Variants in CTPS2 observed in about 807,000 individuals in gnomAD.
The protein encoded by CTPS2 is CTP synthase 2.
A neutral mutation model predicts 46.8 loss-of-function variants in CTPS2; 19 were observed. That is an observed-to-expected ratio of 0.41 (90% CI 0.28 to 0.60). CTPS2 has a LOEUF of 0.60. CTPS2 is among the 20% of genes least tolerant of loss of function. The probability of loss-of-function intolerance (pLI) is 0.35; values close to 1 mark genes in which losing one functional copy is unlikely to be tolerated. For missense variants in CTPS2, 286 were observed against 447.6 expected (o/e 0.64, Z 3.26); for synonymous variants, 151 against 165.2 (o/e 0.91, Z 0.66).
At chrX:16,704,247 T>G (rs1020894477) in intron 1 of CTPS2, among the ~76,000 whole-genome samples, 1 of 111,786 alleles carries the variant, frequency 8.9e-6, no homozygotes, top group Non-Finnish European at 1.9e-5. Flanking sequence ...CTTGGGCAAG[T>G]TATTTATCCT....
chrX:16,628,468 T>G (rs1434954069), intron 14 of CTPS2, among the ~76,000 whole-genome samples: 3 of 110,768 alleles, frequency 2.7e-5, no homozygotes, highest in Non-Finnish European at 5.7e-5. Flanking sequence ...TGGGTTCAAG[T>G]GATTCTCCTG....
At chrX:16,623,821 T>C (rs1930972524) in intron 14 of CTPS2, among the ~76,000 whole-genome samples, 1 of 87,055 alleles carries the variant, frequency 1.1e-5, no homozygotes, top group Non-Finnish European at 2.2e-5. Flanking sequence ...TTTTTTTTTT[T>C]TTTCTGAGAC....
intron 13 of CTPS2, among the ~76,000 whole-genome samples, chrX:16,643,213 A>T (rs1932162700): frequency 8.9e-6 from 1 of 111,902 alleles, no homozygotes; most frequent in Admixed American, 9.5e-5. Flanking sequence ...CAACAGTGAA[A>T]TTCCTGACTG....
At chrX:16,591,789 G>A (rs35816228) in intron 17 of CTPS2, among the ~76,000 whole-genome samples, 4 of 111,046 alleles carry the variant, frequency 3.6e-5, no homozygotes, top group Non-Finnish European at 7.5e-5. Flanking sequence ...AAGGCCCTCA[G>A]GTGAGAGGTA....
At chrX:16,682,786 A>G (rs1247346216) in intron 9 of CTPS2, among the ~76,000 whole-genome samples, 2 of 111,925 alleles carry the variant, frequency 1.8e-5, no homozygotes, top group African/African-American at 6.5e-5. Context: ...CTTCCTTAGT[A>G]AATGGCAGTT....
intron 14 of CTPS2, among the ~76,000 whole-genome samples, chrX:16,633,110 G>T (rs748507047): frequency 6.1e-5 from 6 of 98,445 alleles, no homozygotes; most frequent in Non-Finnish European, 1.2e-4. Flanking sequence ...TTGAGACAGG[G>T]TCTCACTCTA....
intron 11 of CTPS2, among the ~76,000 whole-genome samples, chrX:16,669,806 T>C (rs985533094): frequency 9.1e-6 from 1 of 110,483 alleles, no homozygotes; most frequent in African/African-American, 3.3e-5. Flanking sequence ...ACACAGCCTC[T>C]CTGCACTCCC....
intron 17 of CTPS2, among the ~76,000 whole-genome samples, chrX:16,595,334 G>A (rs1929177716): frequency 9.0e-6 from 1 of 111,402 alleles, no homozygotes; most frequent in Non-Finnish European, 1.9e-5. Context: ...ATTTAAGATA[G>A]TGTGTCTCGC....
intron 14 of CTPS2, among the ~76,000 whole-genome samples, chrX:16,631,240 C>A (rs893668953): frequency 1.8e-5 from 2 of 109,962 alleles, no homozygotes; most frequent in Non-Finnish European, 3.8e-5. Context: ...TCCAGCTACT[C>A]GGGTGGCTGA....
chrX:16,706,526 C>A (rs1925024409), intron 1 of CTPS2, among the ~76,000 whole-genome samples: 1 of 111,063 alleles, frequency 9.0e-6, no homozygotes, highest in Admixed American at 9.7e-5. Context: ...GAGTTTGAGA[C>A]CAGCCTGGCC....
chrX:16,625,173 C>T (rs1931059857), intron 14 of CTPS2, among the ~76,000 whole-genome samples: 1 of 112,326 alleles, frequency 8.9e-6, no homozygotes, highest in Non-Finnish European at 1.9e-5. Context: ...ACAAAATGTG[C>T]ATATCCATCC....
chrX:16,596,194 T>G (rs1459592469), intron 17 of CTPS2, among the ~76,000 whole-genome samples: 1 of 111,105 alleles, frequency 9.0e-6, no homozygotes, highest in Non-Finnish European at 1.9e-5. Flanking sequence ...TTTTGTTTTT[T>G]TTTTTATTAT....
intron 17 of CTPS2, among the ~76,000 whole-genome samples, chrX:16,598,305 C>T (rs1282372055): frequency 9.0e-6 from 1 of 110,528 alleles, no homozygotes; most frequent in African/African-American, 3.3e-5. Context: ...ATTGATAGAC[C>T]ACTAGCAAGA....
chrX:16,638,254 CAAA>C (rs1185750089), intron 14 of CTPS2, among the ~76,000 whole-genome samples: 3 of 37,964 alleles, frequency 7.9e-5, no homozygotes, highest in Non-Finnish European at 9.9e-5. Context: ...GACTCTGTCT[CAAA>C]AAAAAAAAAA....
Position 16,693,497 on chromosome X carries a change from G to A in CTPS2, c.439-10C>T, listed in dbSNP as rs1419655729. ...CAATGGTGCCTCCCAGCTGGGAATG[G>A]AAAACAAACAAAAAAAGACACAAAT... On this transcript the variant is annotated splice_polypyrimidine_tract_variant and intron_variant, in intron 4 of 18. Coordinates refer to ENST00000359276, the MANE Select transcript of CTPS2 (RefSeq NM_175859.3). 1 of 1,105,796 alleles carries A rather than the reference G, an allele frequency of 9.0e-7. No homozygotes were observed. The highest frequency in any genetic ancestry group is 1.9e-5 in the South Asian group (1 of 52,970). The allele number at this position is 1,105,796 out of a possible 1,213,427, so 91.1% of individuals were successfully genotyped here.
chrX:16,661,852 G>T (rs898315428), intron 13 of CTPS2, among the ~76,000 whole-genome samples: 6 of 110,886 alleles, frequency 5.4e-5, no homozygotes, highest in Non-Finnish European at 9.4e-5. Context: ...GTCTTTTGAA[G>T]GTGGAACATG....
At position 16,608,145 on chromosome X, in the gene CTPS2, G is replaced by T. The variant is rs181852297; in HGVS notation, c.1691+1396C>A. Among the ~76,000 whole-genome samples, 1,101 of 110,985 alleles carry T rather than the reference G, an allele frequency of 9.9e-3. 17 individuals carry two copies. Among genetic ancestry groups the T allele is most frequent in the African/African-American group, 0.034 (1,025 of 30,569 alleles). ...GGAGAATCTCTTGAACCTGGGAGGT[G>T]GAGGTTGCAGTGAGCTGAGATTGCT... On this transcript the variant is annotated intron_variant, in intron 17 of 18. Coordinates refer to ENST00000359276, the MANE Select transcript of CTPS2 (RefSeq NM_175859.3).
At chrX:16,633,252 T>A (rs1340980888) in intron 14 of CTPS2, among the ~76,000 whole-genome samples, 1 of 108,732 alleles carries the variant, frequency 9.2e-6, no homozygotes, top group Non-Finnish European at 1.9e-5. Context: ...CCTGGCTGAT[T>A]TTTTAAAAAT....
At chrX:16,683,285 C>A in intron 8 of CTPS2, 59 bp from the exon 9 acceptor site, 1 of 1,133,604 alleles carries the variant, frequency 8.8e-7, no homozygotes, top group South Asian at 1.8e-5. Flanking sequence ...ACAAACAGAA[C>A]AATGGCAGCT....
Sources: gnomAD v4.1 joint callset for allele counts (sites outside exome capture counted in the v4.1 genomes callset) on GRCh38, gnomAD v4.1.1 for gene constraint, MANE v1.5 for transcripts, NCBI Gene and HGNC (gene_info 2026-07-23, HGNC 2026-07-21) for gene names.